Variants in ABLIM1 observed in about 807,000 individuals in gnomAD.
ABLIM1 encodes the protein actin binding LIM protein 1.
Under a neutral mutation model 107.0 loss-of-function variants are expected in ABLIM1, and 40 were observed. That is an observed-to-expected ratio of 0.37 (90% CI 0.29 to 0.49). The LOEUF is 0.49. ABLIM1 is among the 20% of genes least tolerant of loss of function. The probability of loss-of-function intolerance (pLI) is 0.97; values close to 1 mark genes in which losing one functional copy is unlikely to be tolerated. For missense variants in ABLIM1, 857 were observed against 1,008.5 expected (o/e 0.85, Z 2.04); for synonymous variants, 357 against 357.3 (o/e 1.00, Z 0.01).
chr10:114,483,664 T>C (rs1319566376), intron 8 of ABLIM1, among the ~76,000 whole-genome samples: 1 of 152,168 alleles, frequency 6.6e-6, no homozygotes, highest in Non-Finnish European at 1.5e-5. Context: ...ACTTCTGTCT[T>C]TTCCATCGTG....
In ABLIM1 at chr10:114,658,064, C is replaced by T; in HGVS notation, c.137G>A (p.Gly46Glu). ...RLIVEDRRVSGTSFTAHRRAT... is the reference protein window; with the variant it reads ...RLIVEDRRVSETSFTAHRRAT... Reference sequence around the variant, plus strand: ...ACGCCTATGAGCGGTGAAGGAGGTCCCAGAGACCCTCCGGTCCTCAACAAT... The same window carrying T: ...ACGCCTATGAGCGGTGAAGGAGGTCTCAGAGACCCTCCGGTCCTCAACAAT... Residue 46 changes from glycine (G) to glutamate (E), a missense_variant, in exon 1 of 23, where the codon GGG (glycine) becomes GAG (glutamate). Transcript: ENST00000533213. The T allele has an allele frequency of 1.9e-6, 3 of 1,614,160 alleles. No individual in the cohort carries two copies. Among genetic ancestry groups the T allele is most frequent in the Non-Finnish European group, 2.5e-6 (3 of 1,180,032 alleles).
At chr10:114,606,250 T>C (rs1013202920) in intron 1 of ABLIM1, among the ~76,000 whole-genome samples, 10 of 152,146 alleles carry the variant, frequency 6.6e-5, no homozygotes, top group Non-Finnish European at 1.3e-4. Context: ...TATTTTTTAT[T>C]TTTTGAGACA....
At chr10:114,615,240 C>CA (rs2077059070) in intron 1 of ABLIM1, among the ~76,000 whole-genome samples, 1 of 152,280 alleles carries the variant, frequency 6.6e-6, no homozygotes, top group East Asian at 1.9e-4. Context: ...GCTCTGGCCC[C>CA]ACCACCTCTT....
intron 1 of ABLIM1, among the ~76,000 whole-genome samples, chr10:114,614,779 C>T (rs779974314): frequency 7.2e-5 from 11 of 151,890 alleles, no homozygotes; most frequent in Non-Finnish European, 1.5e-4. Flanking sequence ...GTGGGCTGGG[C>T]GTGGTGGCTC....
At chr10:114,719,425 TG>T (rs1326998174) in intron 1 of ABLIM1, among the ~76,000 whole-genome samples, 1 of 152,198 alleles carries the variant, frequency 6.6e-6, no homozygotes, top group Non-Finnish European at 1.5e-5. Flanking sequence ...CACAAAGGCT[TG>T]GGCTGGATGC....
At chr10:114,468,967 G>T (rs922937621) in intron 10 of ABLIM1, among the ~76,000 whole-genome samples, 1 of 151,338 alleles carries the variant, frequency 6.6e-6, no homozygotes, top group Non-Finnish European at 1.5e-5. Flanking sequence ...CAGGAGAATG[G>T]CGTGAACCCG....
At chr10:114,465,565 G>C in intron 12 of ABLIM1, 133 bp downstream of exon 12, 1 of 1,145,688 alleles carries the variant, frequency 8.7e-7, no homozygotes, top group South Asian at 1.8e-5. Flanking sequence ...TTGGATACCA[G>C]TTTTCATTTT....
intron 2 of ABLIM1, among the ~76,000 whole-genome samples, chr10:114,594,520 C>T (rs1035207858): frequency 1.3e-5 from 2 of 152,092 alleles, no homozygotes; most frequent in Non-Finnish European, 2.9e-5. Context: ...GAGGCAGAGT[C>T]AGGTGGATCA....
chr10:114,436,183 G>A lies in ABLIM1; in HGVS notation c.*77C>T. On this transcript the variant is annotated 3_prime_UTR_variant, in exon 23 of 23. Coordinates refer to ENST00000533213, the MANE Select transcript of ABLIM1 (RefSeq NM_002313.7). ...GGTAGTTTGCAAATTCTCCAATCAA[G>A]TTTGGGCCTCAATATGACATCCTAT... The A allele has an allele frequency of 8.4e-7, 1 of 1,188,928 alleles. No homozygotes were observed. The allele number at this position is 1,188,928 out of a possible 1,614,324, so 73.6% of individuals were successfully genotyped here.
At chr10:114,691,260 A>G (rs915507996) in intron 1 of ABLIM1, among the ~76,000 whole-genome samples, 2 of 152,198 alleles carry the variant, frequency 1.3e-5, no homozygotes, top group Non-Finnish European at 2.9e-5. Flanking sequence ...TTCTTCTTGT[A>G]GCTCTGCTGA....
At chr10:114,730,892 C>G (rs777221666) in intron 1 of ABLIM1, among the ~76,000 whole-genome samples, 2 of 152,122 alleles carry the variant, frequency 1.3e-5, no homozygotes, top group Non-Finnish European at 2.9e-5. Flanking sequence ...CTGGATATTT[C>G]ATGTAAATAG....
At position 114,519,733 on chromosome 10, in the gene ABLIM1, C is replaced by T. The variant is rs190069245; in HGVS notation, c.894+25272G>A. Reference sequence around the variant, plus strand: ...AGGAGCCAAATGACACATCAGGGTTCGCCCACAGATCCCTCATACATGCCA... The same window carrying T: ...AGGAGCCAAATGACACATCAGGGTTTGCCCACAGATCCCTCATACATGCCA... On this transcript the variant is annotated intron_variant, in intron 6 of 22. Transcript: ENST00000533213. Among the ~76,000 whole-genome samples, 215 of 152,270 alleles carry T rather than the reference C, an allele frequency of 1.4e-3. 1 individual carries two copies. The highest frequency in any genetic ancestry group is 1.7e-3 in the Non-Finnish European group (117 of 68,026).
At chr10:114,780,079 A>G in the ABLIM1 span, among the ~76,000 whole-genome samples, 5 of 152,302 alleles carry the variant, frequency 3.3e-5, no homozygotes, top group Non-Finnish European at 7.4e-5. Context: ...GAGGTTTTCC[A>G]GGAAATCAAC....
chr10:114,559,926 G>C (rs1482718478), intron 4 of ABLIM1, among the ~76,000 whole-genome samples: 6 of 152,204 alleles, frequency 3.9e-5, no homozygotes, highest in Non-Finnish European at 1.5e-5. Context: ...AAGGATCTAA[G>C]AGTGGGAGAG....
At chr10:114,734,768 G>A (rs1463330006) in intron 1 of ABLIM1, among the ~76,000 whole-genome samples, 1 of 152,118 alleles carries the variant, frequency 6.6e-6, no homozygotes. Flanking sequence ...ACAACCAAAC[G>A]GGAGGTTTCC....
intron 1 of ABLIM1, among the ~76,000 whole-genome samples, chr10:114,630,899 GA>G (rs1303671837): frequency 6.6e-6 from 1 of 152,016 alleles, no homozygotes; most frequent in South Asian, 2.1e-4. Flanking sequence ...TAATAAAAGA[GA>G]AAAAAATAAG....
chr10:114,730,313 G>T (rs1457054347), intron 1 of ABLIM1, among the ~76,000 whole-genome samples: 2 of 149,442 alleles, frequency 1.3e-5, no homozygotes, highest in South Asian at 2.1e-4. Context: ...CAGAAGAATC[G>T]CTTGAACCTA....
intron 1 of ABLIM1, among the ~76,000 whole-genome samples, chr10:114,763,365 AGG>A (rs1293443217): frequency 5.2e-4 from 79 of 152,002 alleles, no homozygotes; most frequent in African/African-American, 1.8e-3. Flanking sequence ...TGTATTATAT[AGG>A]TATGTTAACA....
At chr10:114,587,171 G>A (rs1367679670) in intron 2 of ABLIM1, among the ~76,000 whole-genome samples, 2 of 152,170 alleles carry the variant, frequency 1.3e-5, no homozygotes, top group South Asian at 2.1e-4. Flanking sequence ...CTTGAAAAAT[G>A]TATTCCAACT....
Sources: gnomAD v4.1 joint callset for allele counts (sites outside exome capture counted in the v4.1 genomes callset) on GRCh38, gnomAD v4.1.1 for gene constraint, MANE v1.5 for transcripts, NCBI Gene and HGNC (gene_info 2026-07-23, HGNC 2026-07-21) for gene names.